The following DHRSX variants were observed in gnomAD, a reference collection of about 807,000 sequenced individuals.
DHRSX encodes the protein dehydrogenase/reductase X-linked, also known as polyprenol dehydrogenase.
DHRSX carries 31 observed loss-of-function variants against 34.0 expected under a neutral mutation model. The ratio of observed to expected loss-of-function variants is 0.91; its 90% CI spans 0.69 to 1.23. DHRSX has a LOEUF of 1.23. Ranked by LOEUF, DHRSX falls within the 50% of genes most tolerant of loss-of-function variation. DHRSX has a pLI of 0.00. For synonymous variants in DHRSX, 201 were observed against 183.8 expected, an observed-to-expected ratio of 1.09 and a Z score of -0.76; for missense variants, 414 against 428.1, an observed-to-expected ratio of 0.97 and a Z score of 0.29.
At chrX:2,350,083 C>T (rs1358009425) in intron 3 of DHRSX, among the ~76,000 whole-genome samples, 2 of 151,758 alleles carry the variant, frequency 1.3e-5, no homozygotes, top group Non-Finnish European at 2.9e-5. Flanking sequence ...CAGTGGCCCA[C>T]GCCTGGTATC....
At chrX:2,294,183 G>C (rs2041902207) in intron 3 of DHRSX, among the ~76,000 whole-genome samples, 1 of 151,964 alleles carries the variant, frequency 6.6e-6, no homozygotes, top group Admixed American at 6.6e-5. Context: ...GTGAGAGAGA[G>C]AAACAGAAAG....
chrX:2,285,243 C>G (rs113823740), intron 4 of DHRSX, among the ~76,000 whole-genome samples: 1 of 152,142 alleles, frequency 6.6e-6, no homozygotes, highest in African/African-American at 2.4e-5. Flanking sequence ...AAGTCGCCAT[C>G]ATATAGAATC....
intron 5 of DHRSX, among the ~76,000 whole-genome samples, chrX:2,245,148 G>C (rs2016247556): frequency 1.3e-5 from 2 of 152,092 alleles, no homozygotes; most frequent in African/African-American, 4.8e-5. Context: ...CTCCCACTCT[G>C]TTCAAAGTCA....
At chrX:2,462,462 G>A (rs1402847472) in intron 1 of DHRSX, among the ~76,000 whole-genome samples, 1 of 152,098 alleles carries the variant, frequency 6.6e-6, no homozygotes, top group Non-Finnish European at 1.5e-5. Flanking sequence ...TTGAACCTGG[G>A]AGGTGGAGGT....
chrX:2,230,214 T>C (rs2015842755), intron 6 of DHRSX, among the ~76,000 whole-genome samples: 1 of 152,196 alleles, frequency 6.6e-6, no homozygotes, highest in African/African-American at 2.4e-5. Context: ...TTTGTACATG[T>C]GTGCATGTAT....
rs753154408 is a variant in DHRSX, at chrX:2,455,215, T to A, written c.110-29911A>T. Among the ~76,000 whole-genome samples the A allele has an allele frequency of 1.4e-3, 215 of 151,904 alleles. 1 individual carries two copies. The highest frequency in any genetic ancestry group is 4.9e-3 in the African/African-American group (204 of 41,420). ...CAGCAACAGAAGACAAAATACCTCC[T>A]GTTCTCACTGATAAGTGGTAGGTAA... On this transcript the variant is annotated intron_variant, in intron 1 of 6. Transcript: ENST00000334651.
At chrX:2,439,684 G>A (rs2044039796) in intron 1 of DHRSX, among the ~76,000 whole-genome samples, 1 of 152,204 alleles carries the variant, frequency 6.6e-6, no homozygotes, top group African/African-American at 2.4e-5. Context: ...ATGAGAGCCA[G>A]TGACAGATCA....
intron 6 of DHRSX, among the ~76,000 whole-genome samples, chrX:2,235,612 A>T (rs1436529822): frequency 6.7e-6 from 1 of 149,226 alleles, no homozygotes; most frequent in East Asian, 2.0e-4. Flanking sequence ...GTGTGGTGAG[A>T]CATGCCTATA....
chrX:2,249,335 G>T (rs1260551074), intron 5 of DHRSX, among the ~76,000 whole-genome samples: 2 of 150,224 alleles, frequency 1.3e-5, no homozygotes, highest in Admixed American at 6.7e-5. Context: ...TGGGACTACA[G>T]GCACCTGCCA....
chrX:2,312,600 G>T (rs188137768), intron 3 of DHRSX, among the ~76,000 whole-genome samples: 1 of 152,042 alleles, frequency 6.6e-6, no homozygotes, highest in Non-Finnish European at 1.5e-5. Flanking sequence ...GGGAGGGAGA[G>T]CATTAGGACA....
chrX:2,378,863 G>C (rs1411465384), intron 3 of DHRSX, among the ~76,000 whole-genome samples: 1 of 152,030 alleles, frequency 6.6e-6, no homozygotes, highest in African/African-American at 2.4e-5. Flanking sequence ...GTACAGACGG[G>C]GTAGCCCCAT....
At chrX:2,224,812 ACT>A (rs1157039488) in intron 6 of DHRSX, among the ~76,000 whole-genome samples, 5 of 151,652 alleles carry the variant, frequency 3.3e-5, no homozygotes, top group South Asian at 2.1e-4. Context: ...ATGTACACAA[ACT>A]CACATGAACA....
At chrX:2,500,765 C>G in intron 1 of DHRSX, 52 bp downstream of exon 1, 1 of 952,940 alleles carries the variant, frequency 1.0e-6, no homozygotes, top group Non-Finnish European at 1.3e-6. Context: ...CCCGAGCCAG[C>G]CCGCGCCCAC....
chrX:2,448,428 C>T (rs1011130582), intron 1 of DHRSX, among the ~76,000 whole-genome samples: 5 of 152,032 alleles, frequency 3.3e-5, no homozygotes, highest in African/African-American at 4.8e-5. Flanking sequence ...GTTAATAATA[C>T]ATCGCATCTT....
chrX:2,324,946 G>T (rs867367576), intron 3 of DHRSX, among the ~76,000 whole-genome samples: 341 of 137,896 alleles, frequency 2.5e-3, no homozygotes, highest in South Asian at 3.9e-3. Flanking sequence ...TTTTTGTTTT[G>T]TTTTTTTTTT....
intron 3 of DHRSX, among the ~76,000 whole-genome samples, chrX:2,376,715 G>A (rs887515839): frequency 2.0e-5 from 3 of 149,846 alleles, no homozygotes; most frequent in African/African-American, 7.3e-5. Context: ...AACATTGGAG[G>A]CCGGGTATAG....
At chrX:2,383,772 G>C (rs2043240710) in intron 3 of DHRSX, among the ~76,000 whole-genome samples, 1 of 152,220 alleles carries the variant, frequency 6.6e-6, no homozygotes, top group African/African-American at 2.4e-5. Flanking sequence ...GCAGGGAGTT[G>C]TAAGGCACCT....
chrX:2,319,413 T>G (rs1014885090), intron 3 of DHRSX, among the ~76,000 whole-genome samples: 7 of 151,634 alleles, frequency 4.6e-5, no homozygotes, highest in Non-Finnish European at 7.4e-5. Flanking sequence ...TGTGGTGGCG[T>G]GTGCCTGTAA....
chrX:2,250,459 T>A (rs1048797385), intron 5 of DHRSX, among the ~76,000 whole-genome samples: 1 of 152,190 alleles, frequency 6.6e-6, no homozygotes, highest in Non-Finnish European at 1.5e-5. Context: ...CTCTATCATA[T>A]GCTAAACAAC....
Sources: gnomAD v4.1 joint callset for allele counts (sites outside exome capture counted in the v4.1 genomes callset) on GRCh38, gnomAD v4.1.1 for gene constraint, MANE v1.5 for transcripts, NCBI Gene and HGNC (gene_info 2026-07-23, HGNC 2026-07-21) for gene names.